The following ARG2 variants were observed in gnomAD, a reference collection of about 807,000 sequenced individuals.
ARG2 encodes the protein arginase 2.
A neutral mutation model predicts 39.4 loss-of-function variants in ARG2; 21 were observed. The ratio of observed to expected loss-of-function variants is 0.53; its 90% CI spans 0.38 to 0.77. ARG2 has a LOEUF of 0.77. Among genes scored for constraint, ARG2 ranks in the 30% least tolerant of loss-of-function variants. The pLI, the probability that ARG2 is intolerant of heterozygous loss-of-function variation, is 0.00. For synonymous variants in ARG2, 150 were observed against 156.7 expected (o/e 0.96, Z 0.32); for missense variants, 378 against 426.2 (o/e 0.89, Z 1.00).
intron 7 of ARG2, chr14:67,649,615 A>G (rs1232075603): frequency 6.6e-6 from 1 of 152,218 alleles, no homozygotes; most frequent in East Asian, 1.9e-4. Context: ...ACACAGGTCC[A>G]TGTGCAGGAA....
intron 2 of ARG2, 148 bp from the exon 3 acceptor site, chr14:67,642,038 C>T: frequency 1.3e-6 from 1 of 791,676 alleles, no homozygotes; most frequent in East Asian, 2.7e-5. Flanking sequence ...TCGAGATAAT[C>T]TTCCCACAAT....
At chr14:67,640,888 C>T (rs771511109) in intron 2 of ARG2, among the ~76,000 whole-genome samples, 6 of 152,146 alleles carry the variant, frequency 3.9e-5, no homozygotes, top group Non-Finnish European at 7.4e-5. Context: ...GGTTGAGCGT[C>T]CCTAATCCAG....
chr14:67,645,863 TAGTTC>T (rs1342122156), intron 4 of ARG2, 61 bp downstream of exon 4: 19 of 1,574,508 alleles, frequency 1.2e-5, no homozygotes, highest in African/African-American at 5.4e-5. Flanking sequence ...GGAGTTGGTC[TAGTTC>T]AGTTAAGATT....
At chr14:67,626,020 G>A (rs1262400886) in intron 2 of ARG2, among the ~76,000 whole-genome samples, 1 of 152,164 alleles carries the variant, frequency 6.6e-6, no homozygotes, top group Non-Finnish European at 1.5e-5. Flanking sequence ...TTGGGAGGCT[G>A]AGGCGGGCAG....
At chr14:67,648,014 T>C in intron 6 of ARG2, 33 bp from the exon 7 acceptor site, 1 of 1,554,766 alleles carries the variant, frequency 6.4e-7, no homozygotes, top group South Asian at 1.2e-5. Flanking sequence ...TTAAGTATTA[T>C]TTTAAGTATT....
At position 67,646,757 on chromosome 14, in the gene ARG2, C is replaced by A; in HGVS notation, c.617+19C>A. The A allele has an allele frequency of 6.3e-7, 1 of 1,595,122 alleles. No individual in the cohort carries two copies. Among genetic ancestry groups the A allele is most frequent in the Non-Finnish European group, 8.6e-7 (1 of 1,163,168 alleles). ...CTGAACAGTAAGTTGATGCATTTGG[C>A]TGAAGTTTAGGGCCTGTCCTAGCCA... On this transcript the variant is annotated intron_variant, in intron 5 of 7. Transcript: ENST00000261783.
At position 67,625,680 on chromosome 14, in the gene ARG2, C is replaced by CAAAA. The variant is rs1176476000; in HGVS notation, c.184+4731_184+4734dup. Among the ~76,000 whole-genome samples, 50 of 32,052 alleles carry CAAAA rather than the reference C, an allele frequency of 1.6e-3. 2 individuals are homozygous for CAAAA. Among genetic ancestry groups the CAAAA allele is most frequent in the African/African-American group, 4.1e-3 (39 of 9,546 alleles). The allele number at this position is 32,052 out of a possible 152,430, so 21.0% of individuals were successfully genotyped here. ...GGGCAACGAGAGCAAAACTCCATCT[C>CAAAA]AAAAAAAAAAAAAAAAAAAAGAAAC... On this transcript the variant is annotated intron_variant, in intron 2 of 7. Coordinates refer to ENST00000261783, the MANE Select transcript of ARG2 (RefSeq NM_001172.4).
intron 2 of ARG2, among the ~76,000 whole-genome samples, chr14:67,621,267 C>T (rs1203696062): frequency 6.6e-6 from 1 of 152,146 alleles, no homozygotes; most frequent in Non-Finnish European, 1.5e-5. Flanking sequence ...CAACCTTTCC[C>T]CTTAAAATTC....
At chr14:67,627,161 A>G (rs1009090934) in intron 2 of ARG2, among the ~76,000 whole-genome samples, 1 of 151,902 alleles carries the variant, frequency 6.6e-6, no homozygotes, top group African/African-American at 2.4e-5. Flanking sequence ...AATATATTAG[A>G]AAGCACTGAA....
chr14:67,645,594 T>C (rs772401599), intron 3 of ARG2, 49 bp from the exon 4 acceptor site: 9 of 1,582,716 alleles, frequency 5.7e-6, no homozygotes, highest in African/African-American at 1.4e-5. Flanking sequence ...TTGTTATCGG[T>C]CATGTTTGCC....
At chr14:67,638,390 G>T (rs1376341672) in intron 2 of ARG2, among the ~76,000 whole-genome samples, 1 of 151,848 alleles carries the variant, frequency 6.6e-6, no homozygotes, top group African/African-American at 2.4e-5. Flanking sequence ...GAAAAAAAAT[G>T]ATTAAAGTCT....
chr14:67,646,993 C>G lies in ARG2; in HGVS notation c.690C>G (p.Val230=). The G allele has an allele frequency of 1.2e-6, 2 of 1,612,720 alleles. No individual in the cohort carries two copies. Among genetic ancestry groups the G allele is most frequent in the Admixed American group, 1.7e-5 (1 of 60,002 alleles). ...RDIDRLGIQK[V]MERTFDLLIG... is the part of the protein sequence containing the mutation. ...TTGATCGACTTGGTATCCAGAAGGT[C>G]ATGGAACGAACATTTGATCTGCTGA... Residue 230 remains valine, a synonymous_variant, in exon 6 of 8, where the codon GTC becomes GTG. Transcript: ENST00000261783.
chr14:67,646,563 C>T, intron 4 of ARG2, 81 bp from the exon 5 acceptor site: 1 of 1,124,796 alleles, frequency 8.9e-7, no homozygotes, highest in Non-Finnish European at 1.3e-6. Flanking sequence ...AAGCAGATTG[C>T]ATACCCACGG....
At position 67,651,094 on chromosome 14, in the gene ARG2, T is replaced by C. The variant is rs2037169174; in HGVS notation, c.*174T>C. On this transcript the variant is annotated 3_prime_UTR_variant, in exon 8 of 8. Transcript: ENST00000261783. ...TTTTGGTGACCAATACTACTGTAAATGTATTTGGTTTTTTGCAGTTCACAG... is the reference window on the plus strand; with the variant it reads ...TTTTGGTGACCAATACTACTGTAAACGTATTTGGTTTTTTGCAGTTCACAG... The C allele has an allele frequency of 2.2e-6, 2 of 925,156 alleles. No homozygotes were observed. Among genetic ancestry groups the C allele is most frequent in the Non-Finnish European group, 3.2e-6 (2 of 625,018 alleles). The allele number at this position is 925,156 out of a possible 1,614,324, so 57.3% of individuals were successfully genotyped here.
Position 67,651,013 on chromosome 14 carries a change from A to G in ARG2, c.*93A>G. Reference sequence around the variant, plus strand: ...GAATACTAAATGGTTGTCTGGGTCAATACTGCCTTAATGAGAACATTTACA... The same window carrying G: ...GAATACTAAATGGTTGTCTGGGTCAGTACTGCCTTAATGAGAACATTTACA... On this transcript the variant is annotated 3_prime_UTR_variant, in exon 8 of 8. Coordinates refer to ENST00000261783, the MANE Select transcript of ARG2 (RefSeq NM_001172.4). 1 of 1,281,868 alleles carries G rather than the reference A, an allele frequency of 7.8e-7. No individual in the cohort carries two copies. Among genetic ancestry groups the G allele is most frequent in the Non-Finnish European group, 1.1e-6 (1 of 908,190 alleles). The allele number at this position is 1,281,868 out of a possible 1,614,324, so 79.4% of individuals were successfully genotyped here.
intron 3 of ARG2, among the ~76,000 whole-genome samples, chr14:67,645,099 CCT>C (rs1304075361): frequency 6.6e-6 from 1 of 151,888 alleles, no homozygotes; most frequent in African/African-American, 2.4e-5. Context: ...AATGGTTTAC[CCT>C]GTTAATGTCT....
intron 7 of ARG2, chr14:67,649,176 T>A (rs1206915822): frequency 6.6e-6 from 1 of 152,176 alleles, no homozygotes; most frequent in Non-Finnish European, 1.5e-5. Flanking sequence ...CTAGCACTTA[T>A]ATATGGCATG....
At chr14:67,640,578 G>C (rs1267058186) in intron 2 of ARG2, among the ~76,000 whole-genome samples, 1 of 152,176 alleles carries the variant, frequency 6.6e-6, no homozygotes, top group African/African-American at 2.4e-5. Flanking sequence ...AGTCCATGCT[G>C]CTCTTAATCC....
intron 2 of ARG2, 134 bp from the exon 3 acceptor site, chr14:67,642,052 T>C (rs1221792585): frequency 2.2e-6 from 2 of 891,440 alleles, no homozygotes; most frequent in Non-Finnish European, 3.4e-6. Context: ...CCACAATCAT[T>C]TGACATTTTA....
Sources: gnomAD v4.1 joint callset for allele counts (sites outside exome capture counted in the v4.1 genomes callset) on GRCh38, gnomAD v4.1.1 for gene constraint, MANE v1.5 for transcripts, NCBI Gene and HGNC (gene_info 2026-07-23, HGNC 2026-07-21) for gene names.